The following SLC25A21 variants were observed in gnomAD, a reference collection of about 807,000 sequenced individuals.
The protein encoded by SLC25A21 is solute carrier family 25 member 21.
A neutral mutation model predicts 43.8 loss-of-function variants in SLC25A21; 47 were observed. The ratio of observed to expected loss-of-function variants is 1.07; its 90% CI spans 0.85 to 1.37. The LOEUF (loss-of-function observed/expected upper bound fraction) is 1.37. Among genes scored for constraint, SLC25A21 ranks in the 40% most tolerant of loss-of-function variants. SLC25A21 has a pLI of 0.00. For missense variants in SLC25A21, 352 were observed against 350.2 expected, an observed-to-expected ratio of 1.00 and a Z score of -0.04; for synonymous variants, 131 against 121.3, an observed-to-expected ratio of 1.08 and a Z score of -0.52.
Position 37,072,164 on chromosome 14 carries a change from AGAGT to A in SLC25A21, c.70+100113_70+100116del, listed in dbSNP as rs558036933. 3.6e-3 allele frequency among the ~76,000 whole-genome samples: 496 copies of A among 138,766 alleles called. 3 individuals are homozygous for A. Among genetic ancestry groups the A allele is most frequent in the African/African-American group, 8.6e-3 (287 of 33,338 alleles). The allele number at this position is 138,766 out of a possible 152,430, so 91.0% of individuals were successfully genotyped here. On this transcript the variant is annotated intron_variant, in intron 1 of 9. Transcript: ENST00000331299. ...GCCACTGCACTCCAGCCTGCGTGAC[AGAGT>A]GAGACTGTCTCAAAAAAAAAAAAAA...
chr14:36,964,581 G>A (rs540859464), intron 1 of SLC25A21, among the ~76,000 whole-genome samples: 58 of 152,336 alleles, frequency 3.8e-4, no homozygotes, highest in African/African-American at 1.3e-3. Flanking sequence ...ACACTAATGT[G>A]CGTAAAGTTC....
chr14:36,967,137 G>A (rs1408809863), intron 1 of SLC25A21, among the ~76,000 whole-genome samples: 3 of 152,186 alleles, frequency 2.0e-5, no homozygotes, highest in Non-Finnish European at 4.4e-5. Context: ...TTTATGGGTT[G>A]TAGGTCTACA....
At chr14:37,065,676 G>T (rs1962044629) in intron 1 of SLC25A21, among the ~76,000 whole-genome samples, 1 of 152,164 alleles carries the variant, frequency 6.6e-6, no homozygotes, top group Non-Finnish European at 1.5e-5. Flanking sequence ...GTAACTAAAA[G>T]GTGGTCCTTG....
intron 1 of SLC25A21, among the ~76,000 whole-genome samples, chr14:37,158,067 G>C (rs1343057726): frequency 6.6e-6 from 1 of 152,076 alleles, no homozygotes; most frequent in African/African-American, 2.4e-5. Context: ...ACAATAACAA[G>C]TAGCAAGATT....
At chr14:36,906,870 T>C (rs1383383449) in intron 1 of SLC25A21, among the ~76,000 whole-genome samples, 2 of 152,086 alleles carry the variant, frequency 1.3e-5, no homozygotes, top group Non-Finnish European at 2.9e-5. Context: ...TCCTTAAAAA[T>C]GCATCTCCAG....
intron 1 of SLC25A21, among the ~76,000 whole-genome samples, chr14:37,076,477 A>C (rs1459092181): frequency 1.3e-5 from 2 of 148,726 alleles, no homozygotes; most frequent in Non-Finnish European, 3.0e-5. Flanking sequence ...CCAGCCTATA[A>C]GACTTTATTT....
At chr14:37,096,338 G>C (rs1054572454) in intron 1 of SLC25A21, among the ~76,000 whole-genome samples, 1 of 152,036 alleles carries the variant, frequency 6.6e-6, no homozygotes, top group Non-Finnish European at 1.5e-5. Flanking sequence ...TATGCCTTGG[G>C]GTAGTCTTAT....
chr14:37,092,073 G>A (rs998571327), intron 1 of SLC25A21, among the ~76,000 whole-genome samples: 4 of 152,088 alleles, frequency 2.6e-5, no homozygotes, highest in African/African-American at 9.7e-5. Context: ...GTTGCAATGA[G>A]CCAAGATCGT....
At chr14:37,052,546 A>G (rs1961731161) in intron 1 of SLC25A21, among the ~76,000 whole-genome samples, 1 of 152,014 alleles carries the variant, frequency 6.6e-6, no homozygotes, top group Admixed American at 6.6e-5. Context: ...TAAATTAAGT[A>G]TTCATCTCAA....
At chr14:36,953,239 T>C (rs983993825) in intron 1 of SLC25A21, among the ~76,000 whole-genome samples, 1 of 152,242 alleles carries the variant, frequency 6.6e-6, no homozygotes, top group Non-Finnish European at 1.5e-5. Context: ...TATAGCAAGA[T>C]ATTTTTGGGC....
chr14:36,834,239 T>G (rs1889131160), intron 2 of SLC25A21, among the ~76,000 whole-genome samples: 1 of 152,210 alleles, frequency 6.6e-6, no homozygotes, highest in Non-Finnish European at 1.5e-5. Context: ...AAAGACCTCT[T>G]GTATATTGGA....
At chr14:37,001,852 T>G (rs1338544703) in intron 1 of SLC25A21, among the ~76,000 whole-genome samples, 1 of 152,180 alleles carries the variant, frequency 6.6e-6, no homozygotes, top group Non-Finnish European at 1.5e-5. Context: ...CTCCAAAAAG[T>G]TTTTGTCAAT....
At chr14:36,790,171 C>G (rs76470584) in intron 3 of SLC25A21, among the ~76,000 whole-genome samples, 2 of 150,748 alleles carry the variant, frequency 1.3e-5, no homozygotes, top group Non-Finnish European at 2.9e-5. Flanking sequence ...TTCTGAAGTG[C>G]CGTGGCATCT....
At chr14:36,780,898 T>A (rs1887032850) in intron 3 of SLC25A21, among the ~76,000 whole-genome samples, 1 of 152,132 alleles carries the variant, frequency 6.6e-6, no homozygotes. Flanking sequence ...TTCTGGATGA[T>A]CTATCCATTG....
intron 1 of SLC25A21, among the ~76,000 whole-genome samples, chr14:37,007,440 TAAAAATA>T (rs1185037156): frequency 2.0e-4 from 31 of 151,968 alleles, no homozygotes; most frequent in Non-Finnish European, 3.7e-4. Flanking sequence ...CTGTATCTAC[TAAAAATA>T]CAAAAATTAG....
intron 3 of SLC25A21, among the ~76,000 whole-genome samples, chr14:36,758,077 G>T (rs1886001582): frequency 6.6e-6 from 1 of 152,192 alleles, no homozygotes; most frequent in Non-Finnish European, 1.5e-5. Context: ...CTGGCTCAGG[G>T]GCCCCAGAAA....
chr14:36,774,629 G>A (rs1242747437), intron 3 of SLC25A21, among the ~76,000 whole-genome samples: 1 of 151,802 alleles, frequency 6.6e-6, no homozygotes, highest in African/African-American at 2.4e-5. Flanking sequence ...GGGCAGTGGT[G>A]TGATCAAGGC....
At chr14:37,149,449 C>T (rs1002777859) in intron 1 of SLC25A21, among the ~76,000 whole-genome samples, 3 of 149,146 alleles carry the variant, frequency 2.0e-5, no homozygotes, top group Non-Finnish European at 4.5e-5. Flanking sequence ...ACTGCTCCAT[C>T]AAAAAAAAAA....
intron 5 of SLC25A21, among the ~76,000 whole-genome samples, chr14:36,727,152 G>A (rs1039511535): frequency 4.6e-5 from 7 of 152,162 alleles, no homozygotes; most frequent in African/African-American, 1.7e-4. Flanking sequence ...AGAAGCCCTG[G>A]AGAGGCATCG....
Sources: gnomAD v4.1 joint callset for allele counts (sites outside exome capture counted in the v4.1 genomes callset) on GRCh38, gnomAD v4.1.1 for gene constraint, MANE v1.5 for transcripts, NCBI Gene and HGNC (gene_info 2026-07-23, HGNC 2026-07-21) for gene names.